Variants in CDH12 observed in about 807,000 individuals in gnomAD.
The protein encoded by CDH12 is cadherin 12, also known as cadherin-12.
CDH12 carries 41 observed loss-of-function variants against 74.1 expected under a neutral mutation model. That is an observed-to-expected ratio of 0.55 (90% confidence interval 0.43 to 0.72). The LOEUF (loss-of-function observed/expected upper bound fraction) is 0.72, where lower values mean the gene tolerates loss of function less well. CDH12 is among the 30% of genes least tolerant of loss of function. CDH12 has a pLI of 0.00. For missense variants in CDH12, 945 were observed against 977.2 expected, an observed-to-expected ratio of 0.97 and a Z score of 0.44; for synonymous variants, 399 against 355.0, an observed-to-expected ratio of 1.12 and a Z score of -1.39.
intron 1 of CDH12, among the ~76,000 whole-genome samples, chr5:22,629,992 C>A (rs1738499569): frequency 6.6e-6 from 1 of 151,940 alleles, no homozygotes. Flanking sequence ...AAATCAAGAA[C>A]ACAATCGTAT....
intron 3 of CDH12, among the ~76,000 whole-genome samples, chr5:22,347,391 G>A (rs113347194): frequency 0.057 from 8,596 of 152,084 alleles, 358 homozygotes; most frequent in African/African-American, 0.12. Flanking sequence ...CTTGAGCATC[G>A]GACTCCAAAT....
At chr5:22,073,144 A>G (rs1742071473) in intron 5 of CDH12, among the ~76,000 whole-genome samples, 1 of 152,150 alleles carries the variant, frequency 6.6e-6, no homozygotes. Context: ...ATTTATTCCT[A>G]TAGGCTTAAT....
intron 4 of CDH12, among the ~76,000 whole-genome samples, chr5:22,088,465 G>T (rs1580229433): frequency 6.6e-6 from 1 of 152,088 alleles, no homozygotes; most frequent in South Asian, 2.1e-4. Context: ...AGGGGTAAAT[G>T]AGAAGACTAA....
intron 11 of CDH12, among the ~76,000 whole-genome samples, chr5:21,767,196 A>G (rs1368477003): frequency 1.3e-5 from 2 of 151,824 alleles, no homozygotes; most frequent in African/African-American, 4.8e-5. Flanking sequence ...CTGCAGCTAC[A>G]TGAAAATGAG....
intron 1 of CDH12, among the ~76,000 whole-genome samples, chr5:22,785,489 T>C (rs868663679): frequency 6.6e-6 from 1 of 152,096 alleles, no homozygotes. Context: ...TATTACCTAT[T>C]TTCTGTTATG....
At chr5:22,111,393 C>T (rs1744808252) in intron 4 of CDH12, among the ~76,000 whole-genome samples, 1 of 152,066 alleles carries the variant, frequency 6.6e-6, no homozygotes, top group Non-Finnish European at 1.5e-5. Flanking sequence ...AGCTGCTTTC[C>T]CGTTTTCCCT....
intron 2 of CDH12, among the ~76,000 whole-genome samples, chr5:22,462,306 T>C (rs1282355707): frequency 1.3e-5 from 2 of 152,102 alleles, no homozygotes; most frequent in African/African-American, 4.8e-5. Flanking sequence ...CAGGAGAAAG[T>C]AGTTAAAACC....
intron 1 of CDH12, among the ~76,000 whole-genome samples, chr5:22,566,929 AG>A (rs1310103779): frequency 1.3e-5 from 2 of 152,196 alleles, no homozygotes; most frequent in African/African-American, 4.8e-5. Flanking sequence ...TAAGTAAGAA[AG>A]GCTTCTGAAA....
chr5:22,255,880 A>T (rs978357629), intron 3 of CDH12, among the ~76,000 whole-genome samples: 1 of 152,068 alleles, frequency 6.6e-6, no homozygotes, highest in Non-Finnish European at 1.5e-5. Context: ...GCTGTTATTC[A>T]TCTTTGTTAA....
At chr5:22,050,290 T>C (rs1740269194) in intron 5 of CDH12, among the ~76,000 whole-genome samples, 1 of 152,142 alleles carries the variant, frequency 6.6e-6, no homozygotes, top group South Asian at 2.1e-4. Flanking sequence ...ATCTCAGTGC[T>C]GTATTGGAAT....
At chr5:22,589,609 A>G (rs567443247) in intron 1 of CDH12, among the ~76,000 whole-genome samples, 16 of 152,316 alleles carry the variant, frequency 1.1e-4, no homozygotes, top group African/African-American at 3.4e-4. Flanking sequence ...AATGCATTTA[A>G]CATATTTGTC....
chr5:22,163,369 A>C (rs1248221878), intron 4 of CDH12, among the ~76,000 whole-genome samples: 2 of 152,176 alleles, frequency 1.3e-5, no homozygotes, highest in Non-Finnish European at 2.9e-5. Context: ...TACATAACAC[A>C]AAGAATCATG....
chr5:22,726,207 C>T (rs1394730096), intron 1 of CDH12, among the ~76,000 whole-genome samples: 2 of 151,772 alleles, frequency 1.3e-5, no homozygotes, highest in Non-Finnish European at 3.0e-5. Context: ...TCATTCATCC[C>T]TGCCCCTAAA....
chr5:22,729,460 T>A (rs994621562), intron 1 of CDH12, among the ~76,000 whole-genome samples: 10 of 151,868 alleles, frequency 6.6e-5, no homozygotes, highest in Admixed American at 2.0e-4. Flanking sequence ...ACCAACTGTT[T>A]AGTGATCTTA....
chr5:22,543,718 T>C (rs181239960), intron 1 of CDH12, among the ~76,000 whole-genome samples: 26 of 152,308 alleles, frequency 1.7e-4, no homozygotes, highest in Admixed American at 1.2e-3. Context: ...CACAGTGATC[T>C]TACATTTAAA....
chr5:21,758,453 A>G (rs181997368), intron 13 of CDH12, among the ~76,000 whole-genome samples: 150 of 152,312 alleles, frequency 9.8e-4, no homozygotes, highest in African/African-American at 3.3e-3. Flanking sequence ...CATCATCACC[A>G]TCTCAATACA....
intron 4 of CDH12, among the ~76,000 whole-genome samples, chr5:22,181,633 A>G (rs904547295): frequency 3.3e-5 from 5 of 151,930 alleles, no homozygotes; most frequent in African/African-American, 1.2e-4. Flanking sequence ...ATTTCCAAAT[A>G]CTCTTTGGTG....
At chr5:21,860,672 C>G (rs1750997099) in intron 6 of CDH12, among the ~76,000 whole-genome samples, 1 of 149,398 alleles carries the variant, frequency 6.7e-6, no homozygotes, top group East Asian at 1.9e-4. Context: ...GTCTTCTGGC[C>G]CTCATCCGTC....
chr5:22,367,362 G>T (rs536005849), intron 3 of CDH12, among the ~76,000 whole-genome samples: 40 of 152,280 alleles, frequency 2.6e-4, no homozygotes, highest in Admixed American at 9.2e-4. Context: ...GGGTCTTAGT[G>T]ATGTCTGCAT....
Sources: allele counts gnomAD v4.1 joint callset (sites outside exome capture counted in the v4.1 genomes callset), GRCh38; gene constraint gnomAD v4.1.1; transcripts MANE v1.5; gene names NCBI Gene and HGNC (gene_info 2026-07-23, HGNC 2026-07-21).